The following TPTE2 variants were observed in gnomAD, a reference collection of about 807,000 sequenced individuals.
TPTE2 encodes the protein phosphatidylinositol 3,4,5-trisphosphate 3-phosphatase TPTE2.
In TPTE2, 53 loss-of-function variants were observed where a neutral mutation model predicts 78.6. The observed-to-expected ratio is 0.67, with a 90% CI of 0.54 to 0.85. TPTE2 has a LOEUF of 0.85. Ranked by LOEUF, TPTE2 falls within the 40% of genes least tolerant of loss-of-function variation. The pLI is 0.00. For missense variants in TPTE2, 461 were observed against 623.0 expected, an observed-to-expected ratio of 0.74 and a Z score of 2.77; for synonymous variants, 175 against 206.2, an observed-to-expected ratio of 0.85 and a Z score of 1.30.
chr13:19,457,422 CA>C (rs1357898089), intron 10 of TPTE2, among the ~76,000 whole-genome samples: 12 of 152,138 alleles, frequency 7.9e-5, no homozygotes, highest in Admixed American at 7.2e-4. Flanking sequence ...GTGTGTTACA[CA>C]GTTAAATGTG....
chr13:19,482,500 A>G (rs1035634507), exon 4 of TPTE2: 4 of 1,612,304 alleles, frequency 2.5e-6, no homozygotes, highest in Non-Finnish European at 2.5e-6. Flanking sequence ...ATATGAAGCA[A>G]CATTTTCAGC....
At chr13:19,514,382 C>T (rs989740593) in intron 1 of TPTE2, among the ~76,000 whole-genome samples, 1 of 152,156 alleles carries the variant, frequency 6.6e-6, no homozygotes, top group Non-Finnish European at 1.5e-5. Flanking sequence ...CCATTGTGGT[C>T]ATAGTTGTCA....
upstream of TPTE2, among the ~76,000 whole-genome samples, chr13:19,507,185 T>C (rs1334072389): frequency 2.0e-5 from 3 of 152,050 alleles, no homozygotes; most frequent in East Asian, 5.8e-4. Context: ...ATCACTTCAT[T>C]TGGGTCAGAG....
chr13:19,474,993 A>C (rs1279693189), intron 5 of TPTE2, among the ~76,000 whole-genome samples: 1 of 152,230 alleles, frequency 6.6e-6, no homozygotes, highest in Non-Finnish European at 1.5e-5. Flanking sequence ...GAAGAAAAAC[A>C]ATATTAATAT....
At chr13:19,503,276 G>A (rs752725903) in exon 1 of TPTE2, 33 of 1,613,442 alleles carry the variant, frequency 2.0e-5, no homozygotes, top group Non-Finnish European at 2.8e-5. Context: ...TTTGTGGGTG[G>A]ACTAGAGGAT....
rs558009164 is a variant in TPTE2, at chr13:19,518,362, T to C, written c.-43-15085A>G. On this transcript the variant is annotated intron_variant, in intron 1 of 17. Coordinates refer to the TPTE2 transcript ENST00000390680. ...TACCTCATAAATATGTACAATTTAT[T>C]ATGTGTCAATTAAAATTTTGAGTAT... Among the ~76,000 whole-genome samples, 3 of 152,320 alleles carry C rather than the reference T, an allele frequency of 2.0e-5. No homozygotes were observed. In the South Asian group the frequency reaches 6.2e-4, roughly 32 times the overall value.
chr13:19,472,074 T>C (rs1315288924), intron 6 of TPTE2, among the ~76,000 whole-genome samples: 2 of 152,224 alleles, frequency 1.3e-5, no homozygotes, highest in Admixed American at 6.5e-5. Flanking sequence ...ATTGGTTTCT[T>C]TTCTCTTGCT....
chr13:19,499,198 T>C (rs563680319), intron 1 of TPTE2, among the ~76,000 whole-genome samples: 1 of 152,220 alleles, frequency 6.6e-6, no homozygotes, highest in Non-Finnish European at 1.5e-5. Context: ...ACATTAATAA[T>C]GGGACACTTT....
intron 13 of TPTE2, among the ~76,000 whole-genome samples, chr13:19,443,405 T>G (rs1344171399): frequency 2.0e-5 from 3 of 148,832 alleles, no homozygotes; most frequent in Admixed American, 6.7e-5. Flanking sequence ...TTCTTTTTTT[T>G]TTTTTTGTTT....
chr13:19,547,945 G>A, the TPTE2 span, among the ~76,000 whole-genome samples: 1,226 of 151,490 alleles, frequency 8.1e-3, 9 homozygotes, highest in Non-Finnish European at 0.013. Flanking sequence ...GTAAACTTTC[G>A]TTATTATTTA....
the TPTE2 span, among the ~76,000 whole-genome samples, chr13:19,553,696 G>A: frequency 4.9e-4 from 75 of 152,322 alleles, no homozygotes; most frequent in African/African-American, 1.8e-3. Context: ...CAGATGCAAA[G>A]GAGTACATAC....
chr13:19,463,817 T>C (rs989967799), intron 10 of TPTE2, among the ~76,000 whole-genome samples: 1 of 152,200 alleles, frequency 6.6e-6, no homozygotes, highest in African/African-American at 2.4e-5. Context: ...GACAGTGGTA[T>C]GGCTTTTCTT....
upstream of TPTE2, chr13:19,506,007 T>TA (rs1747142848): frequency 6.6e-6 from 1 of 151,762 alleles, no homozygotes; most frequent in Non-Finnish European, 1.5e-5. Context: ...GTGTCAAAGA[T>TA]ACTCTGTATT....
Position 19,450,367 on chromosome 13 carries a change from C to A in TPTE2, c.803-23G>T, listed in dbSNP as rs573489794. ...CACCTAAAATAAATAATATGTATGT[C>A]ATATCTCTATAGGGAATAACATGAT... On this transcript the variant is annotated intron_variant, in intron 11 of 19. Transcript: ENST00000400230. 9.5e-6 allele frequency: 15 copies of A among 1,586,636 alleles called. No individual in the cohort carries two copies. The African/African-American group carries it at 1.7e-4, about 18-fold the overall frequency.
At chr13:19,508,799 A>G (rs1023604550) in intron 1 of TPTE2, among the ~76,000 whole-genome samples, 8 of 152,200 alleles carry the variant, frequency 5.3e-5, no homozygotes, top group African/African-American at 1.7e-4. Context: ...GAAAGAAGAA[A>G]TAAATCAGCT....
intron 1 of TPTE2, among the ~76,000 whole-genome samples, chr13:19,499,241 G>A (rs1003980052): frequency 8.2e-4 from 124 of 152,092 alleles, no homozygotes; most frequent in African/African-American, 2.7e-3. Context: ...ACAGATCAAC[G>A]AGACAGAAAG....
intron 11 of TPTE2, 143 bp downstream of exon 14, chr13:19,451,022 G>A: frequency 2.9e-6 from 3 of 1,024,612 alleles, no homozygotes; most frequent in Non-Finnish European, 2.8e-6. Flanking sequence ...AATGGGGCCA[G>A]TCCAAGATGG....
rs569592856 is a variant in TPTE2, at chr13:19,509,156, A to G, written c.-43-5879T>C. ...GCAATATTTAGAAGAAAATTTACTG[A>G]TATATAAGCATTAATAAGAAGTCAA... On this transcript the variant is annotated intron_variant, in intron 1 of 17. Coordinates refer to the TPTE2 transcript ENST00000390680. Among the ~76,000 whole-genome samples the G allele has an allele frequency of 9.8e-5, 15 of 152,306 alleles. No homozygotes were observed. The South Asian group carries it at 2.7e-3, about 27-fold the overall frequency.
chr13:19,474,847 A>G (rs1276472439), intron 5 of TPTE2, among the ~76,000 whole-genome samples: 2 of 152,250 alleles, frequency 1.3e-5, no homozygotes, highest in African/African-American at 4.8e-5. Flanking sequence ...TCGTACTCTT[A>G]TGTAGAGAAG....
Sources: gnomAD v4.1 joint callset for allele counts (sites outside exome capture counted in the v4.1 genomes callset) on GRCh38, gnomAD v4.1.1 for gene constraint, MANE v1.5 for transcripts, NCBI Gene and HGNC (gene_info 2026-07-23, HGNC 2026-07-21) for gene names.